The following DLGAP2 variants were observed in gnomAD, a reference collection of about 807,000 sequenced individuals.
The protein encoded by DLGAP2 is DLG associated protein 2.
In DLGAP2, 26 loss-of-function variants were observed where a neutral mutation model predicts 100.3. The ratio of observed to expected loss-of-function variants is 0.26; its 90% CI spans 0.19 to 0.36. The LOEUF is 0.36. Ranked by LOEUF, DLGAP2 falls within the 10% of genes least tolerant of loss-of-function variation. DLGAP2 has a pLI of 1.00. For synonymous variants in DLGAP2, 886 were observed against 630.1 expected (o/e 1.41, Z -6.08); for missense variants, 1,858 against 1,453.2 (o/e 1.28, Z -4.53).
At chr8:1,034,524 C>T (rs867288744) in intron 2 of DLGAP2, among the ~76,000 whole-genome samples, 8 of 80,698 alleles carry the variant, frequency 9.9e-5, no homozygotes, top group Admixed American at 2.2e-4. Context: ...TGGATTCACA[C>T]CCTCATCCCG....
chr8:1,200,592 C>T (rs1797849865), intron 2 of DLGAP2, among the ~76,000 whole-genome samples: 4 of 152,200 alleles, frequency 2.6e-5, no homozygotes, highest in African/African-American at 7.2e-5. Context: ...CGTCCCACTG[C>T]CACGTCCATT....
chr8:852,303 C>A (rs1235550428), intron 1 of DLGAP2, among the ~76,000 whole-genome samples: 1 of 152,186 alleles, frequency 6.6e-6, no homozygotes, highest in Admixed American at 6.5e-5. Context: ...GGGGCTCTGC[C>A]TCCTGTCTCC....
chr8:1,272,537 A>G (rs1431304375), intron 3 of DLGAP2, among the ~76,000 whole-genome samples: 2 of 152,156 alleles, frequency 1.3e-5, no homozygotes, highest in Admixed American at 6.6e-5. Flanking sequence ...CCATATAAAT[A>G]TATCTATATA....
At chr8:879,888 C>T (rs999685917) in intron 1 of DLGAP2, among the ~76,000 whole-genome samples, 1 of 152,152 alleles carries the variant, frequency 6.6e-6, no homozygotes, top group South Asian at 2.1e-4. Context: ...CATTGTCAAG[C>T]ACTTCTCCAT....
chr8:1,130,277 T>G (rs1392847837), intron 2 of DLGAP2, among the ~76,000 whole-genome samples: 1 of 152,162 alleles, frequency 6.6e-6, no homozygotes, highest in African/African-American at 2.4e-5. Flanking sequence ...GATGTTTGGA[T>G]TGATGGGAAG....
intron 3 of DLGAP2, among the ~76,000 whole-genome samples, chr8:1,494,020 C>T (rs112229922): frequency 2.7e-5 from 4 of 146,142 alleles, no homozygotes; most frequent in African/African-American, 1.0e-4. Context: ...GGACGCAGGG[C>T]CCCTGCCCTC....
chr8:1,157,624 C>G (rs1414833932), intron 2 of DLGAP2, among the ~76,000 whole-genome samples: 1 of 152,150 alleles, frequency 6.6e-6, no homozygotes, highest in Non-Finnish European at 1.5e-5. Flanking sequence ...GCTGTTCTCA[C>G]CTGTGTGTCC....
chr8:1,026,173 CGTT>C (rs1328287780), intron 2 of DLGAP2, among the ~76,000 whole-genome samples: 22 of 152,134 alleles, frequency 1.4e-4, no homozygotes, highest in African/African-American at 5.3e-4. Context: ...AAAATGGAAT[CGTT>C]GTCACCTCAT....
In DLGAP2 at chr8:1,465,961, C is replaced by T. The variant is rs547804944; in HGVS notation, c.107-35405C>T. ...CTTGGGGAGAGAAAGGAGCAGTGAACGGAGTGGGAGGTCAGAGAGAGACTC... is the reference window on the plus strand; with the variant it reads ...CTTGGGGAGAGAAAGGAGCAGTGAATGGAGTGGGAGGTCAGAGAGAGACTC... On this transcript the variant is annotated intron_variant, in intron 3 of 14. Transcript: ENST00000637795. Among the ~76,000 whole-genome samples, 250 of 152,226 alleles carry T rather than the reference C, an allele frequency of 1.6e-3. 1 individual carries two copies. Among genetic ancestry groups the T allele is most frequent in the African/African-American group, 5.8e-3 (241 of 41,548 alleles).
At chr8:1,077,032 C>A (rs549964089) in intron 2 of DLGAP2, among the ~76,000 whole-genome samples, 4 of 149,968 alleles carry the variant, frequency 2.7e-5, no homozygotes, top group Admixed American at 1.3e-4. Context: ...CCCGGGCCCC[C>A]CCAAGACCAA....
intron 2 of DLGAP2, among the ~76,000 whole-genome samples, chr8:999,963 C>G (rs7814204): frequency 4.5e-3 from 466 of 103,054 alleles, no homozygotes; most frequent in Admixed American, 6.1e-3. Context: ...CTAGAGCAGA[C>G]AGATCCGGGT....
chr8:1,500,195 C>T (rs962133314), intron 3 of DLGAP2, among the ~76,000 whole-genome samples: 4 of 152,208 alleles, frequency 2.6e-5, no homozygotes, highest in South Asian at 2.1e-4. Flanking sequence ...GCACATGTAA[C>T]GTGGTGCCAA....
chr8:1,283,221 C>T (rs867470371), intron 3 of DLGAP2, among the ~76,000 whole-genome samples: 7 of 140,840 alleles, frequency 5.0e-5, no homozygotes, highest in South Asian at 2.2e-4. Flanking sequence ...CTGAACCCAG[C>T]GCCCTGAACC....
intron 1 of DLGAP2, among the ~76,000 whole-genome samples, chr8:842,476 A>T (rs951692706): frequency 1.4e-4 from 22 of 152,216 alleles, no homozygotes; most frequent in Non-Finnish European, 1.5e-5. Context: ...TCAACGCCAG[A>T]GGACTTTTAC....
At chr8:1,298,041 CAGACACGTGAGACAGGGA>C (rs2116985468) in intron 3 of DLGAP2, among the ~76,000 whole-genome samples, 3 of 23,238 alleles carry the variant, frequency 1.3e-4, no homozygotes, top group Non-Finnish European at 1.4e-4. Context: ...CAGGCGTGAA[CAGACACGTGAGACAGGGA>C]GGAGAAACGT....
chr8:1,703,154 A>C lies in DLGAP2; in HGVS notation c.*1748A>C, dbSNP rs2130897731. The C allele has an allele frequency of 6.5e-6, 1 of 152,740 alleles. No homozygotes were observed. The highest frequency in any genetic ancestry group is 6.5e-5 in the Admixed American group (1 of 15,294). The allele number at this position is 152,740 out of a possible 1,614,324, so 9.5% of individuals were successfully genotyped here. On this transcript the variant is annotated 3_prime_UTR_variant, in exon 15 of 15. Transcript: ENST00000637795. ...AAAGCATGTTTAGCTTCGAAGTTTT[A>C]CTTTTTTAAAGCTGAGTAGTTAAGA...
chr8:825,186 G>A (rs986970759), intron 1 of DLGAP2, among the ~76,000 whole-genome samples: 4 of 152,162 alleles, frequency 2.6e-5, no homozygotes, highest in Non-Finnish European at 4.4e-5. Flanking sequence ...CTCTGCTACC[G>A]TACGGCTGTC....
intron 1 of DLGAP2, among the ~76,000 whole-genome samples, chr8:777,583 A>T (rs1422931803): frequency 1.3e-5 from 2 of 151,914 alleles, no homozygotes; most frequent in African/African-American, 4.8e-5. Context: ...TTGTCTGTAA[A>T]GTATTTTATT....
chr8:1,390,781 A>G (rs927630959), intron 3 of DLGAP2, among the ~76,000 whole-genome samples: 2 of 152,180 alleles, frequency 1.3e-5, no homozygotes, highest in East Asian at 3.9e-4. Context: ...CCTCTGTTAC[A>G]AAACCATTTT....
Sources: gnomAD v4.1 joint callset for allele counts (sites outside exome capture counted in the v4.1 genomes callset) on GRCh38, gnomAD v4.1.1 for gene constraint, MANE v1.5 for transcripts, NCBI Gene and HGNC (gene_info 2026-07-23, HGNC 2026-07-21) for gene names.